Variants in FHIT observed in about 807,000 individuals in gnomAD.
The protein encoded by FHIT is bis(5'-adenosyl)-triphosphatase.
A neutral mutation model predicts 17.9 loss-of-function variants in FHIT; 19 were observed. That is an observed-to-expected ratio of 1.06 (90% CI 0.74 to 1.56). The LOEUF is 1.56. FHIT is among the 40% of genes most tolerant of loss of function. FHIT has a pLI of 0.00. For synonymous variants in FHIT, 81 were observed against 69.7 expected, an observed-to-expected ratio of 1.16 and a Z score of -0.81; for missense variants, 248 against 189.2, an observed-to-expected ratio of 1.31 and a Z score of -1.82.
At chr3:59,796,319 C>G (rs570253216) in intron 8 of FHIT, among the ~76,000 whole-genome samples, 4 of 152,292 alleles carry the variant, frequency 2.6e-5, no homozygotes, top group African/African-American at 7.2e-5. Flanking sequence ...GCAACACCCC[C>G]AGACCCTCTA....
In FHIT at chr3:60,325,521, T is replaced by C. The variant is rs112928249; in HGVS notation, c.103+211339A>G. Reference sequence around the variant, plus strand: ...TAATGAAAGCTACAGAGCAATAATCTAGCATCTAGAAATGCCTTCAGAGTT... The same window carrying C: ...TAATGAAAGCTACAGAGCAATAATCCAGCATCTAGAAATGCCTTCAGAGTT... On this transcript the variant is annotated intron_variant, in intron 5 of 9. Transcript: ENST00000492590. Among the ~76,000 whole-genome samples the C allele has an allele frequency of 4.1e-3, 632 of 152,370 alleles. 2 individuals carry two copies. Among genetic ancestry groups the C allele is most frequent in the African/African-American group, 0.014 (572 of 41,590 alleles).
chr3:60,460,553 T>G (rs2032396845), intron 5 of FHIT, among the ~76,000 whole-genome samples: 1 of 152,194 alleles, frequency 6.6e-6, no homozygotes, highest in Non-Finnish European at 1.5e-5. Context: ...CCAATAATAT[T>G]ATAAACCTAG....
Position 60,397,987 on chromosome 3 carries a change from T to G in FHIT, c.103+138873A>C, listed in dbSNP as rs575373951. Among the ~76,000 whole-genome samples, 6 of 152,220 alleles carry G rather than the reference T, an allele frequency of 3.9e-5. No homozygotes were observed. The East Asian group carries it at 9.7e-4, about 25-fold the overall frequency. On this transcript the variant is annotated intron_variant, in intron 5 of 9. Transcript: ENST00000492590. The stretch of plus-strand genomic sequence containing the variant: ...CACAGCCTCAGCCATATTAGAGAAT[T>G]TTCCCACTTTCGGGTAGGGGAACCG...
At chr3:59,774,686 A>AT (rs1702224962) in intron 8 of FHIT, among the ~76,000 whole-genome samples, 1 of 152,140 alleles carries the variant, frequency 6.6e-6, no homozygotes, top group South Asian at 2.1e-4. Context: ...CCATCAAATT[A>AT]AAGACCTAGG....
intron 3 of FHIT, among the ~76,000 whole-genome samples, chr3:60,951,719 A>G (rs1055919775): frequency 6.7e-5 from 10 of 150,248 alleles, no homozygotes; most frequent in Non-Finnish European, 1.2e-4. Flanking sequence ...GATGTAAGAA[A>G]AACTCTGGTG....
At chr3:59,879,507 C>A (rs1459945067) in intron 8 of FHIT, among the ~76,000 whole-genome samples, 1 of 151,918 alleles carries the variant, frequency 6.6e-6, no homozygotes, top group Admixed American at 6.6e-5. Flanking sequence ...TAAAGAAAAC[C>A]CTAATCAACT....
intron 5 of FHIT, among the ~76,000 whole-genome samples, chr3:60,045,351 CAAG>C (rs766503461): frequency 1.3e-5 from 2 of 152,036 alleles, no homozygotes; most frequent in South Asian, 2.1e-4. Context: ...TGGCAGAAGA[CAAG>C]GAGGAGCAAG....
chr3:60,309,996 G>T (rs137921600), intron 5 of FHIT, among the ~76,000 whole-genome samples: 7 of 152,114 alleles, frequency 4.6e-5, no homozygotes, highest in Non-Finnish European at 1.0e-4. Flanking sequence ...ACAAGGACAC[G>T]TCTTCACAGG....
At chr3:60,110,628 G>C (rs1032660449) in intron 5 of FHIT, among the ~76,000 whole-genome samples, 3 of 152,124 alleles carry the variant, frequency 2.0e-5, no homozygotes. Flanking sequence ...TTCTTAATCT[G>C]TAAAACAGAC....
At chr3:60,402,587 C>G (rs1417230803) in intron 5 of FHIT, among the ~76,000 whole-genome samples, 1 of 152,096 alleles carries the variant, frequency 6.6e-6, no homozygotes, top group Non-Finnish European at 1.5e-5. Flanking sequence ...CATTTAATAC[C>G]TATTACTGCA....
At chr3:61,054,374 G>GA (rs1218417951) in intron 2 of FHIT, among the ~76,000 whole-genome samples, 1 of 149,724 alleles carries the variant, frequency 6.7e-6, no homozygotes, top group African/African-American at 2.4e-5. Flanking sequence ...TTTTTTTCCA[G>GA]AAAAAAAGGC....
intron 5 of FHIT, among the ~76,000 whole-genome samples, chr3:60,443,005 A>T (rs1454951860): frequency 6.6e-6 from 1 of 151,972 alleles, no homozygotes; most frequent in Non-Finnish European, 1.5e-5. Context: ...TGTAAGTTGG[A>T]TTCCTAGGTA....
chr3:60,935,515 G>C (rs1286937786), intron 3 of FHIT, among the ~76,000 whole-genome samples: 1 of 152,202 alleles, frequency 6.6e-6, no homozygotes, highest in Non-Finnish European at 1.5e-5. Flanking sequence ...AGGGAAATAA[G>C]CTGCAGTTCA....
intron 5 of FHIT, among the ~76,000 whole-genome samples, chr3:60,476,861 T>C (rs1576723885): frequency 6.9e-6 from 1 of 145,502 alleles, no homozygotes; most frequent in Non-Finnish European, 1.5e-5. Flanking sequence ...TTTTTTTTTT[T>C]TAAGAAGCCT....
intron 5 of FHIT, among the ~76,000 whole-genome samples, chr3:60,117,367 A>C (rs983378664): frequency 6.6e-6 from 1 of 152,134 alleles, no homozygotes; most frequent in East Asian, 1.9e-4. Context: ...TGAAATTTAG[A>C]ATATAATACT....
chr3:59,883,487 T>A lies in FHIT; in HGVS notation c.348+38859A>T, dbSNP rs181600687. ...GTTTTCCCCTTATAAAACCATCAGA[T>A]TTCAGGAGACTTATTCACTACGACG... On this transcript the variant is annotated intron_variant, in intron 8 of 9. Transcript: ENST00000492590. Among the ~76,000 whole-genome samples, 286 of 152,310 alleles carry A rather than the reference T, an allele frequency of 1.9e-3. 8 individuals carry two copies. Among genetic ancestry groups the A allele is most frequent in the Admixed American group, 0.015 (227 of 15,296 alleles).
At chr3:60,844,426 T>G (rs1364579638) in intron 3 of FHIT, among the ~76,000 whole-genome samples, 1 of 152,138 alleles carries the variant, frequency 6.6e-6, no homozygotes, top group East Asian at 1.9e-4. Flanking sequence ...TTCTTTTTCC[T>G]GCCTCCACAG....
intron 8 of FHIT, among the ~76,000 whole-genome samples, chr3:59,846,409 T>A (rs1036249498): frequency 1.3e-5 from 2 of 152,148 alleles, no homozygotes; most frequent in African/African-American, 4.8e-5. Flanking sequence ...CTTTCTGTTG[T>A]TGATGTCATA....
At chr3:60,184,467 A>G (rs181080115) in intron 5 of FHIT, among the ~76,000 whole-genome samples, 1 of 152,182 alleles carries the variant, frequency 6.6e-6, no homozygotes, top group African/African-American at 2.4e-5. Context: ...GGTTTGTCTG[A>G]TGTCTTTCTC....
Sources: allele counts gnomAD v4.1 joint callset (sites outside exome capture counted in the v4.1 genomes callset), GRCh38; gene constraint gnomAD v4.1.1; transcripts MANE v1.5; gene names NCBI Gene and HGNC (gene_info 2026-07-23, HGNC 2026-07-21).